The following ACP3 variants were observed in gnomAD, a reference collection of about 807,000 sequenced individuals.
The protein encoded by ACP3 is prostatic acid phosphatase.
A neutral mutation model predicts 45.6 loss-of-function variants in ACP3; 38 were observed. The observed-to-expected ratio is 0.83, with a 90% CI of 0.64 to 1.09. The LOEUF (loss-of-function observed/expected upper bound fraction) is 1.09, where lower values mean the gene tolerates loss of function less well. ACP3 is among the 50% of genes least tolerant of loss of function. ACP3 has a pLI of 0.00. For synonymous variants in ACP3, 162 were observed against 164.7 expected, an observed-to-expected ratio of 0.98 and a Z score of 0.13; for missense variants, 466 against 463.2, an observed-to-expected ratio of 1.01 and a Z score of -0.05.
chr3:132,320,655 T>G (rs1458484921), intron 1 of ACP3, among the ~76,000 whole-genome samples: 18 of 149,064 alleles, frequency 1.2e-4, no homozygotes, highest in East Asian at 3.9e-4. Context: ...TTCTTGGGTT[T>G]TTTTTTTTTT....
chr3:132,341,924 A>G (rs1057024741), intron 5 of ACP3, among the ~76,000 whole-genome samples: 2 of 152,228 alleles, frequency 1.3e-5, no homozygotes, highest in South Asian at 2.1e-4. Context: ...ATAGCTGAAC[A>G]TTGGGTCTCA....
At chr3:132,355,338 G>A (rs1212040274) in intron 9 of ACP3, among the ~76,000 whole-genome samples, 1 of 152,132 alleles carries the variant, frequency 6.6e-6, no homozygotes, top group Non-Finnish European at 1.5e-5. Context: ...GAATAACAGA[G>A]TTTGATGGAG....
intron 4 of ACP3, among the ~76,000 whole-genome samples, chr3:132,335,698 A>G (rs1937477928): frequency 6.6e-6 from 1 of 152,174 alleles, no homozygotes; most frequent in Non-Finnish European, 1.5e-5. Context: ...GGGAGTGTTC[A>G]AGGCAGGAAA....
At chr3:132,325,618 A>ACACACACACACACACACACACACC (rs1416576821) in intron 1 of ACP3, among the ~76,000 whole-genome samples, 2 of 151,552 alleles carry the variant, frequency 1.3e-5, no homozygotes, top group African/African-American at 4.9e-5. Context: ...ACACACACAC[A>ACACACACACACACACACACACACC]CCCCTTCCAA....
intron 7 of ACP3, among the ~76,000 whole-genome samples, chr3:132,348,133 ACT>A (rs1437605665): frequency 6.6e-6 from 1 of 152,080 alleles, no homozygotes; most frequent in Non-Finnish European, 1.5e-5. Flanking sequence ...TAAGACATTT[ACT>A]CTCTGGACTT....
exon 11 of ACP3, chr3:132,367,975 CCA>C: frequency 1.6e-6 from 1 of 638,338 alleles, no homozygotes; most frequent in Non-Finnish European, 2.8e-6. Flanking sequence ...TCACAGTGAC[CCA>C]CAGGCTGCTG....
chr3:132,359,240 A>G (rs140318529), downstream of ACP3, among the ~76,000 whole-genome samples: 4 of 152,174 alleles, frequency 2.6e-5, no homozygotes, highest in Non-Finnish European at 5.9e-5. Flanking sequence ...AGGCCAGGCG[A>G]GGTGGCTCAG....
intron 3 of ACP3, 28 bp downstream of exon 3, chr3:132,331,761 T>A: frequency 6.6e-7 from 1 of 1,526,382 alleles, no homozygotes; most frequent in East Asian, 2.3e-5. Flanking sequence ...GAGTGGGAAC[T>A]TTGATCTTTG....
downstream of ACP3, among the ~76,000 whole-genome samples, chr3:132,359,489 C>G (rs2107821607): frequency 6.6e-6 from 1 of 151,944 alleles, no homozygotes; most frequent in African/African-American, 2.4e-5. Flanking sequence ...GCCTGGGCAA[C>G]AGAGCGAGAC....
In ACP3 at chr3:132,358,225, C is replaced by T. The variant is rs567207684; in HGVS notation, c.*1347C>T. ...TGGTCAACATAGTGAGACACTGTCT[C>T]TACCAAAAAAAGGAAGGAAGGGACA... On this transcript the variant is annotated 3_prime_UTR_variant, in exon 10 of 10. Coordinates refer to ENST00000336375, the MANE Select transcript of ACP3 (RefSeq NM_001099.5). The T allele has an allele frequency of 5.4e-6, 6 of 1,114,690 alleles. No individual in the cohort carries two copies. The East Asian group carries it at 3.3e-4, about 62-fold the overall frequency. 69.0% of individuals were successfully genotyped at this position (1,114,690 alleles called of 1,614,324 possible).
intron 9 of ACP3, among the ~76,000 whole-genome samples, chr3:132,353,208 A>G (rs994012358): frequency 1.3e-5 from 2 of 152,224 alleles, no homozygotes; most frequent in African/African-American, 4.8e-5. Context: ...CTGATGATTC[A>G]TATCCACAAG....
rs138017217 is a variant in ACP3, at chr3:132,325,595, A to AACACACACACACACACACACACAC, written c.121-2671_121-2648dup. On this transcript the variant is annotated intron_variant, in intron 1 of 9. Transcript: ENST00000336375. ...AAGGTTTTGGTTTCTTCTGATACAA[A>AACACACACACACACACACACACAC]ACACACACACACACACACACACACC... 9.2e-3 allele frequency among the ~76,000 whole-genome samples: 1,322 copies of AACACACACACACACACACACACAC among 143,704 alleles called. 13 individuals are homozygous for AACACACACACACACACACACACAC. The highest frequency in any genetic ancestry group is 0.018 in the Middle Eastern group (5 of 280). The allele number at this position is 143,704 out of a possible 152,430, so 94.3% of individuals were successfully genotyped here. A position where few individuals can be genotyped will look rare whatever the true frequency, so the allele number is the denominator to read the frequency against.
intron 1 of ACP3, among the ~76,000 whole-genome samples, chr3:132,323,170 G>GA (rs60981392): frequency 0.1 from 14,439 of 142,798 alleles, 1,109 homozygotes; most frequent in African/African-American, 0.22. Flanking sequence ...TGAAAGAAAG[G>GA]AAAAAAAAAA....
At chr3:132,332,814 A>G (rs1338541211) in intron 4 of ACP3, among the ~76,000 whole-genome samples, 3 of 152,214 alleles carry the variant, frequency 2.0e-5, no homozygotes, top group Admixed American at 6.5e-5. Context: ...ATTGCCTAAC[A>G]TTTTATGTGA....
chr3:132,353,347 A>G lies in ACP3; in HGVS notation c.968+524A>G, dbSNP rs954131649. ...CAAAGTTAGCGTAGCCAAATGTCCCAGTTCACCAGAATTGACCCATGAAAT... is the reference window on the plus strand; with the variant it reads ...CAAAGTTAGCGTAGCCAAATGTCCCGGTTCACCAGAATTGACCCATGAAAT... On this transcript the variant is annotated intron_variant, in intron 9 of 9. Coordinates refer to ENST00000336375, the MANE Select transcript of ACP3 (RefSeq NM_001099.5). Among the ~76,000 whole-genome samples the G allele has an allele frequency of 2.0e-5, 3 of 152,212 alleles. No homozygotes were observed. The South Asian group carries it at 6.2e-4, about 31-fold the overall frequency.
chr3:132,357,180 A>G lies in ACP3; in HGVS notation c.*302A>G. ...AGTTCATAGAGTTCCCATGAACTAT[A>G]TGACTGGCCACACAGGATCTTTTGT... On this transcript the variant is annotated 3_prime_UTR_variant, in exon 10 of 10. Coordinates refer to ENST00000336375, the MANE Select transcript of ACP3 (RefSeq NM_001099.5). 4.8e-6 allele frequency: 5 copies of G among 1,051,074 alleles called. No individual in the cohort carries two copies. Among genetic ancestry groups the G allele is most frequent in the Non-Finnish European group, 4.6e-6 (4 of 872,040 alleles). The allele number at this position is 1,051,074 out of a possible 1,614,324, so 65.1% of individuals were successfully genotyped here.
At position 132,344,981 on chromosome 3, in the gene ACP3, T is replaced by C. The variant is rs1372851965; in HGVS notation, c.703T>C (p.Leu235=). The C allele has an allele frequency of 6.2e-7, 1 of 1,614,004 alleles. No individual in the cohort carries two copies. Among genetic ancestry groups the C allele is most frequent in the Admixed American group, 1.7e-5 (1 of 60,018 alleles). The change falls in exon 7 of 10, where the codon TTG becomes CTG. Residue 235 remains leucine, a synonymous_variant. Transcript: ENST00000336375. ...GGCCACTGAGGACACCATGACTAAG[T>C]TGAGAGAATTGTCAGAATTGTCCCT... ...SWATEDTMTK[L]RELSELSLLS... is the part of the protein sequence containing the mutation.
At chr3:132,356,579 T>G in intron 9 of ACP3, 107 bp from the exon 10 acceptor site, 2 of 1,575,878 alleles carry the variant, frequency 1.3e-6, no homozygotes, top group South Asian at 2.3e-5. Context: ...CATAAGTTTT[T>G]CCATTAGTCC....
At chr3:132,327,063 G>A (rs1254385403) in intron 1 of ACP3, among the ~76,000 whole-genome samples, 1 of 152,174 alleles carries the variant, frequency 6.6e-6, no homozygotes, top group African/African-American at 2.4e-5. Flanking sequence ...AGCATGACAT[G>A]GGTACAAATA....
Sources: allele counts gnomAD v4.1 joint callset (sites outside exome capture counted in the v4.1 genomes callset), GRCh38; gene constraint gnomAD v4.1.1; transcripts MANE v1.5; gene names NCBI Gene and HGNC (gene_info 2026-07-23, HGNC 2026-07-21).